The following ULK4 variants were observed in gnomAD, a reference collection of about 807,000 sequenced individuals.
ULK4 encodes the protein unc-51 like kinase 4, also known as inactive serine/threonine-protein kinase ULK4.
Under a neutral mutation model 160.6 loss-of-function variants are expected in ULK4, and 133 were observed. The ratio of observed to expected loss-of-function variants is 0.83; its 90% CI spans 0.72 to 0.96. ULK4 has a LOEUF of 0.96. Among genes scored for constraint, ULK4 ranks in the 40% least tolerant of loss-of-function variants. ULK4 has a pLI of 0.00. For synonymous variants in ULK4, 534 were observed against 539.8 expected, an observed-to-expected ratio of 0.99 and a Z score of 0.15; for missense variants, 1,580 against 1,499.5, an observed-to-expected ratio of 1.05 and a Z score of -0.89.
intron 32 of ULK4, among the ~76,000 whole-genome samples, chr3:41,493,171 C>G (rs1280841845): frequency 7.2e-6 from 1 of 138,306 alleles, no homozygotes; most frequent in Non-Finnish European, 1.6e-5. Context: ...TGACCACATA[C>G]TTGGAAGTAA....
intron 35 of ULK4, among the ~76,000 whole-genome samples, chr3:41,267,848 T>C (rs1359112971): frequency 1.3e-5 from 2 of 152,164 alleles, no homozygotes; most frequent in Non-Finnish European, 2.9e-5. Flanking sequence ...GAATCCTTGA[T>C]CTCAACCATC....
chr3:41,902,723 C>T (rs1416897406), intron 12 of ULK4, among the ~76,000 whole-genome samples: 1 of 151,388 alleles, frequency 6.6e-6, no homozygotes, highest in Non-Finnish European at 1.5e-5. Flanking sequence ...GAGGTAAACT[C>T]ACATTGCCAA....
chr3:41,851,816 C>T (rs909083894), intron 17 of ULK4, among the ~76,000 whole-genome samples: 1 of 152,036 alleles, frequency 6.6e-6, no homozygotes, highest in Admixed American at 6.6e-5. Context: ...AATTGACACC[C>T]TAACATCACA....
At chr3:41,380,078 G>A (rs1276678325) in intron 35 of ULK4, among the ~76,000 whole-genome samples, 8 of 152,036 alleles carry the variant, frequency 5.3e-5, no homozygotes, top group South Asian at 4.1e-4. Flanking sequence ...TAAAATCAGC[G>A]CCAGTGATGA....
At chr3:41,911,910 T>G (rs547346224) in intron 9 of ULK4, among the ~76,000 whole-genome samples, 1 of 152,230 alleles carries the variant, frequency 6.6e-6, no homozygotes, top group Admixed American at 6.5e-5. Context: ...CCCCGCACTT[T>G]GGGAGGCCGA....
In ULK4 at chr3:41,596,575, A is replaced by G. The variant is rs913669305; in HGVS notation, c.3120+19094T>C. ...ATGGTCTGGACATTTCTGTGAGGGT[A>G]AAGAATTCCTGAGAGAACTGTCATG... On this transcript the variant is annotated intron_variant, in intron 31 of 36. Transcript: ENST00000301831. Among the ~76,000 whole-genome samples the G allele has an allele frequency of 5.9e-5, 9 of 152,176 alleles. No individual in the cohort carries two copies. In the South Asian group the frequency reaches 1.0e-3, roughly 18 times the overall value.
intron 35 of ULK4, among the ~76,000 whole-genome samples, chr3:41,337,373 G>A (rs952663072): frequency 4.6e-5 from 7 of 152,130 alleles, no homozygotes; most frequent in African/African-American, 1.4e-4. Context: ...TGTCATTGTT[G>A]CTGTCTGGAA....
At chr3:41,252,034 C>T (rs959183326) in intron 35 of ULK4, among the ~76,000 whole-genome samples, 1 of 152,168 alleles carries the variant, frequency 6.6e-6, no homozygotes, top group Non-Finnish European at 1.5e-5. Context: ...CAGACTGACC[C>T]CTGGGGAGGG....
At chr3:41,435,878 G>A (rs1174582870) in intron 34 of ULK4, among the ~76,000 whole-genome samples, 2 of 152,136 alleles carry the variant, frequency 1.3e-5, no homozygotes, top group African/African-American at 2.4e-5. Context: ...ACTCTGGGAG[G>A]TGGAGGTTGG....
chr3:41,249,578 C>T lies in ULK4; in HGVS notation c.3679-4G>A, dbSNP rs770237800. The T allele has an allele frequency of 5.6e-6, 9 of 1,613,342 alleles. No individual in the cohort carries two copies. Among genetic ancestry groups the T allele is most frequent in the Non-Finnish European group, 7.6e-6 (9 of 1,179,664 alleles). ...AGTGCTTCTCATTGGAGGTGATCTG[C>T]AAGGGCAGGAGGAAGAAGACAGTGG... On this transcript the variant is annotated splice_polypyrimidine_tract_variant and splice_region_variant and intron_variant, in intron 35 of 36. Transcript: ENST00000301831.
intron 32 of ULK4, among the ~76,000 whole-genome samples, chr3:41,492,242 T>C (rs2084801635): frequency 6.6e-6 from 1 of 152,322 alleles, no homozygotes; most frequent in East Asian, 1.9e-4. Context: ...TTTGGGTATA[T>C]ACCCAGCAAT....
intron 21 of ULK4, among the ~76,000 whole-genome samples, chr3:41,762,655 C>CGTTTT (rs538388454): frequency 1.6e-4 from 14 of 89,002 alleles, no homozygotes; most frequent in African/African-American, 6.3e-4. Flanking sequence ...AAGTGTTACA[C>CGTTTT]TTTTTTTTTT....
chr3:41,859,835 T>TC (rs1311252801), intron 17 of ULK4, among the ~76,000 whole-genome samples: 1 of 149,176 alleles, frequency 6.7e-6, no homozygotes, highest in East Asian at 1.9e-4. Flanking sequence ...TTTTTTTTTT[T>TC]TTTTTTTTTT....
At chr3:41,544,146 G>A (rs544681825) in intron 32 of ULK4, among the ~76,000 whole-genome samples, 85 of 152,160 alleles carry the variant, frequency 5.6e-4, no homozygotes, top group African/African-American at 1.9e-3. Context: ...GATATAATGT[G>A]TCAACACTGG....
intron 17 of ULK4, among the ~76,000 whole-genome samples, chr3:41,858,147 GTTTT>G (rs71288052): frequency 0.012 from 1,134 of 92,124 alleles, 23 homozygotes; most frequent in African/African-American, 0.038. Context: ...TTTTTTGTTT[GTTTT>G]TTTTTTTTTT....
chr3:41,518,037 T>C (rs149165785), intron 32 of ULK4, among the ~76,000 whole-genome samples: 1 of 152,314 alleles, frequency 6.6e-6, no homozygotes, highest in East Asian at 1.9e-4. Context: ...AAAGGAAATC[T>C]TCTGCATATG....
intron 17 of ULK4, among the ~76,000 whole-genome samples, chr3:41,853,840 C>T (rs911968556): frequency 3.9e-5 from 6 of 152,168 alleles, no homozygotes; most frequent in Non-Finnish European, 8.8e-5. Context: ...AATTGTAATG[C>T]ACTTAAATGT....
At chr3:41,902,747 T>C (rs1001106236) in intron 12 of ULK4, among the ~76,000 whole-genome samples, 2 of 152,098 alleles carry the variant, frequency 1.3e-5, no homozygotes, top group Non-Finnish European at 2.9e-5. Context: ...AAAGATGGAC[T>C]TTAAAGGCAA....
At chr3:41,590,011 T>C (rs905978058) in intron 31 of ULK4, among the ~76,000 whole-genome samples, 1 of 146,854 alleles carries the variant, frequency 6.8e-6, no homozygotes, top group Non-Finnish European at 1.5e-5. Context: ...GTTTTTTTTG[T>C]TTTTTTTTTA....
Sources: gnomAD v4.1 joint callset for allele counts (sites outside exome capture counted in the v4.1 genomes callset) on GRCh38, gnomAD v4.1.1 for gene constraint, MANE v1.5 for transcripts, NCBI Gene and HGNC (gene_info 2026-07-23, HGNC 2026-07-21) for gene names.